Variants in R3HDML observed in about 807,000 individuals in gnomAD.
R3HDML encodes the protein peptidase inhibitor R3HDML.
A neutral mutation model predicts 24.2 loss-of-function variants in R3HDML; 21 were observed. That is an observed-to-expected ratio of 0.87 (90% CI 0.62 to 1.25). The LOEUF is 1.25. Among genes scored for constraint, R3HDML ranks in the 50% most tolerant of loss-of-function variants. The probability of loss-of-function intolerance (pLI) is 0.00; values close to 1 mark genes in which losing one functional copy is unlikely to be tolerated. For synonymous variants in R3HDML, 133 were observed against 131.5 expected, an observed-to-expected ratio of 1.01 and a Z score of -0.08; for missense variants, 301 against 340.3, an observed-to-expected ratio of 0.88 and a Z score of 0.91.
intron 2 of R3HDML, among the ~76,000 whole-genome samples, chr20:44,342,379 C>T (rs186775212): frequency 1.1e-4 from 17 of 152,130 alleles, no homozygotes; most frequent in Admixed American, 1.0e-3. Flanking sequence ...CTCTGAGAGC[C>T]GTGAATGGTC....
intron 4 of R3HDML, 167 bp from the exon 5 acceptor site, chr20:44,350,493 T>C: frequency 1.0e-5 from 5 of 501,212 alleles, no homozygotes. Context: ...CAAAACAAAA[T>C]AAATAAATAA....
chr20:44,342,698 TC>T (rs1295065852), intron 2 of R3HDML, among the ~76,000 whole-genome samples: 4 of 152,068 alleles, frequency 2.6e-5, no homozygotes, highest in Non-Finnish European at 5.9e-5. Flanking sequence ...ATGCTTGTAA[TC>T]CCAGCACTTT....
intron 4 of R3HDML, among the ~76,000 whole-genome samples, chr20:44,347,356 G>A (rs2062790619): frequency 6.6e-6 from 1 of 151,800 alleles, no homozygotes; most frequent in African/African-American, 2.4e-5. Context: ...GTAGCTGGGA[G>A]TACAGGCATG....
intron 2 of R3HDML, among the ~76,000 whole-genome samples, chr20:44,341,607 G>C (rs927741769): frequency 3.9e-5 from 6 of 152,136 alleles, no homozygotes; most frequent in Non-Finnish European, 5.9e-5. Context: ...TAAGGGGGCC[G>C]GGCACGGTGG....
chr20:44,345,240 C>T (rs2062782934), intron 3 of R3HDML, 23 bp from the exon 4 acceptor site: 2 of 1,600,386 alleles, frequency 1.2e-6, no homozygotes, highest in South Asian at 2.2e-5. Context: ...CTCATAGCCC[C>T]CTCTGTCTCT....
At chr20:44,344,497 G>A (rs2062780767) in intron 3 of R3HDML, among the ~76,000 whole-genome samples, 1 of 151,700 alleles carries the variant, frequency 6.6e-6, no homozygotes, top group South Asian at 2.1e-4. Flanking sequence ...AAATATATTG[G>A]CTGGCCAGGT....
chr20:44,349,146 T>TAAATAAAATAAAATAAAATA lies in R3HDML; in HGVS notation c.630-1490_630-1471dup, dbSNP rs202024132. Among the ~76,000 whole-genome samples the TAAATAAAATAAAATAAAATA allele has an allele frequency of 2.8e-3, 410 of 145,866 alleles. 1 individual carries two copies. The highest frequency in any genetic ancestry group is 0.014 in the Middle Eastern group (4 of 290). On this transcript the variant is annotated intron_variant, in intron 4 of 4. Transcript: ENST00000217043. ...TATCTCAAAGTAAAATAAAATAAAA[T>TAAATAAAATAAAATAAAATA]AAATAAAATAAAATAAAATAAAATA...
At position 44,345,397 on chromosome 20, in the gene R3HDML, G is replaced by A; in HGVS notation, c.629+19G>A. 5.1e-6 allele frequency: 8 copies of A among 1,578,942 alleles called. No individual in the cohort carries two copies. The highest frequency in any genetic ancestry group is 6.9e-6 in the Non-Finnish European group (8 of 1,153,290). On this transcript the variant is annotated intron_variant, in intron 4 of 4. Transcript: ENST00000217043. ...CCATTAAGTAAGTGCCTGCACCAAG[G>A]CAAAGAGGGCCCTGGGGCCGGCGGG...
intron 4 of R3HDML, among the ~76,000 whole-genome samples, chr20:44,347,086 G>A (rs1212094761): frequency 6.6e-6 from 1 of 152,106 alleles, no homozygotes; most frequent in East Asian, 1.9e-4. Flanking sequence ...AGGTTGCAGC[G>A]AGCTGAGATC....
intron 4 of R3HDML, among the ~76,000 whole-genome samples, chr20:44,349,909 A>T (rs1485314102): frequency 6.6e-6 from 1 of 152,138 alleles, no homozygotes; most frequent in African/African-American, 2.4e-5. Flanking sequence ...GTCTGTACTA[A>T]AAATACAAAA....
At chr20:44,349,808 G>A (rs1413412118) in intron 4 of R3HDML, among the ~76,000 whole-genome samples, 3 of 152,176 alleles carry the variant, frequency 2.0e-5, no homozygotes, top group African/African-American at 4.8e-5. Flanking sequence ...GGTGGCTCAC[G>A]TCTGTAATTC....
rs189121706 is a variant in R3HDML at position 44,349,353 on chromosome 20, T to A, written c.630-1307T>A. Among the ~76,000 whole-genome samples the A allele has an allele frequency of 2.6e-5, 4 of 152,002 alleles. No individual in the cohort carries two copies. In the East Asian group the frequency reaches 7.7e-4, roughly 29 times the overall value. On this transcript the variant is annotated intron_variant, in intron 4 of 4. Coordinates refer to ENST00000217043, the MANE Select transcript of R3HDML (RefSeq NM_178491.4). ...TGTTTTTTTAAGCAGAACTTTTTTC[T>A]AAGTGGTTAAATTAAACAAAAAAAG...
At chr20:44,349,561 A>G (rs1410348799) in intron 4 of R3HDML, among the ~76,000 whole-genome samples, 1 of 149,986 alleles carries the variant, frequency 6.7e-6, no homozygotes, top group Non-Finnish European at 1.5e-5. Context: ...ACCAGAAGTG[A>G]GTATTTTTCT....
At chr20:44,343,280 G>T in intron 2 of R3HDML, 97 bp from the exon 3 acceptor site, 1 of 1,449,402 alleles carries the variant, frequency 6.9e-7, no homozygotes, top group Non-Finnish European at 9.5e-7. Context: ...ATGGGGGAAA[G>T]GAAGCAAAGT....
rs1436810953 is a variant in R3HDML at position 44,343,433 on chromosome 20, T to C, written c.437T>C (p.Leu146Ser). ...KSWSEEKWHY[L>S]FPAPRDCNPH... Reference sequence around the variant, plus strand: ...TGGTCTGAGGAGAAGTGGCATTACTTGTTTCCGGCCCCAAGGGACTGTAAC... The same window carrying C: ...TGGTCTGAGGAGAAGTGGCATTACTCGTTTCCGGCCCCAAGGGACTGTAAC... The change falls in exon 3 of 5, where the codon TTG becomes TCG. Residue 146 changes from leucine (L) to serine (S), a missense_variant. Physicochemically the swap from Leu to Ser is moderately radical, Grantham distance 145. Coordinates refer to ENST00000217043, the MANE Select transcript of R3HDML (RefSeq NM_178491.4). 1 of 1,613,166 alleles carries C rather than the reference T, an allele frequency of 6.2e-7. No homozygotes were observed. The highest frequency in any genetic ancestry group is 8.5e-7 in the Non-Finnish European group (1 of 1,179,594).
intron 1 of R3HDML, among the ~76,000 whole-genome samples, chr20:44,340,001 A>T (rs1159873750): frequency 6.6e-6 from 1 of 151,746 alleles, no homozygotes. Flanking sequence ...GTTGCCCAGG[A>T]TGGAGTACAA....
In R3HDML at chr20:44,350,809, G is replaced by T; in HGVS notation, c.*17G>T. 6.2e-7 allele frequency: 1 copy of T among 1,613,512 alleles called. No individual in the cohort carries two copies. Among genetic ancestry groups the T allele is most frequent in the Non-Finnish European group, 8.5e-7 (1 of 1,179,722 alleles). ...TGGTTCTGAATTTTCTCTGGGCTTT[G>T]GTGCGCCTCCAGCTGGGCCTGACCC... On this transcript the variant is annotated 3_prime_UTR_variant, in exon 5 of 5. Coordinates refer to ENST00000217043, the MANE Select transcript of R3HDML (RefSeq NM_178491.4).
intron 1 of R3HDML, among the ~76,000 whole-genome samples, chr20:44,340,760 C>T (rs558720610): frequency 6.6e-6 from 1 of 152,110 alleles, no homozygotes; most frequent in East Asian, 1.9e-4. Flanking sequence ...GAGCTGCGAT[C>T]GCACCACTGC....
rs1292061619 is a variant in R3HDML, at chr20:44,350,852, A to C, written c.*60A>C. The C allele has an allele frequency of 1.9e-6, 3 of 1,574,646 alleles. No homozygotes were observed. Among genetic ancestry groups the C allele is most frequent in the Non-Finnish European group, 8.6e-7 (1 of 1,158,050 alleles). On this transcript the variant is annotated 3_prime_UTR_variant, in exon 5 of 5. Coordinates refer to ENST00000217043, the MANE Select transcript of R3HDML (RefSeq NM_178491.4). ...CCTGACCCTCCATGTCCTGCCCTCA[A>C]AAAACTGGGTGGAGAAATAATTGTT... is the stretch of plus-strand genomic sequence containing the variant.
Sources: gnomAD v4.1 joint callset for allele counts (sites outside exome capture counted in the v4.1 genomes callset) on GRCh38, gnomAD v4.1.1 for gene constraint, MANE v1.5 for transcripts, NCBI Gene and HGNC (gene_info 2026-07-23, HGNC 2026-07-21) for gene names.